The following NDST3 variants were observed in gnomAD, a reference collection of about 807,000 sequenced individuals.
NDST3 encodes the protein bifunctional heparan sulfate N-deacetylase/N-sulfotransferase 3.
Under a neutral mutation model 96.1 loss-of-function variants are expected in NDST3, and 58 were observed. That is an observed-to-expected ratio of 0.60 (90% CI 0.49 to 0.75). NDST3 has a LOEUF of 0.75. Ranked by LOEUF, NDST3 falls within the 30% of genes least tolerant of loss-of-function variation. The pLI, the probability that NDST3 is intolerant of heterozygous loss-of-function variation, is 0.00. For synonymous variants in NDST3, 333 were observed against 359.7 expected (o/e 0.93, Z 0.84); for missense variants, 788 against 1,034.2 (o/e 0.76, Z 3.27).
At chr4:118,122,917 G>A (rs192687296) in intron 4 of NDST3, among the ~76,000 whole-genome samples, 77 of 152,270 alleles carry the variant, frequency 5.1e-4, no homozygotes, top group Non-Finnish European at 2.4e-4. Flanking sequence ...TCCAGTGAAA[G>A]CTGGAGAAAG....
At chr4:118,120,416 T>C (rs917107971) in intron 4 of NDST3, among the ~76,000 whole-genome samples, 7 of 152,154 alleles carry the variant, frequency 4.6e-5, no homozygotes, top group Non-Finnish European at 8.8e-5. Flanking sequence ...AGGCTCAGGA[T>C]TGGCGACTTT....
intron 4 of NDST3, among the ~76,000 whole-genome samples, chr4:118,126,537 C>CATATATATATATACACATAT (rs1266387343): frequency 3.9e-4 from 8 of 20,332 alleles, no homozygotes; most frequent in African/African-American, 6.0e-4. Context: ...TATATATACA[C>CATATATATATATACACATAT]ATATATATAT....
intron 2 of NDST3, among the ~76,000 whole-genome samples, chr4:118,081,067 G>A (rs1021179659): frequency 9.2e-5 from 14 of 152,140 alleles, no homozygotes; most frequent in African/African-American, 3.1e-4. Context: ...ATTTACTTAC[G>A]CATGTGAACC....
At chr4:118,135,598 C>T (rs1733010450) in intron 4 of NDST3, among the ~76,000 whole-genome samples, 1 of 152,160 alleles carries the variant, frequency 6.6e-6, no homozygotes. Context: ...AGGCTTAGAG[C>T]TCATAGGTCA....
chr4:118,242,432 T>C (rs959126311), intron 12 of NDST3, among the ~76,000 whole-genome samples: 1 of 152,212 alleles, frequency 6.6e-6, no homozygotes, highest in African/African-American at 2.4e-5. Context: ...AAAGAAGTTA[T>C]CTGAAATAAA....
chr4:118,119,224 T>C (rs1037057741), intron 4 of NDST3, among the ~76,000 whole-genome samples: 1 of 152,216 alleles, frequency 6.6e-6, no homozygotes, highest in African/African-American at 2.4e-5. Context: ...TTGTCAATTA[T>C]AAAACTTTTT....
At chr4:118,196,426 A>C (rs1737691603) in intron 6 of NDST3, among the ~76,000 whole-genome samples, 1 of 152,118 alleles carries the variant, frequency 6.6e-6, no homozygotes. Context: ...GATTGCTATT[A>C]GTTATTTTTT....
intron 2 of NDST3, among the ~76,000 whole-genome samples, chr4:118,088,854 C>G (rs1334322954): frequency 6.6e-6 from 1 of 151,944 alleles, no homozygotes; most frequent in Non-Finnish European, 1.5e-5. Context: ...GCTTCCATGT[C>G]TAGACCGTTG....
At chr4:118,078,616 G>A (rs1424417945) in intron 2 of NDST3, among the ~76,000 whole-genome samples, 3 of 152,018 alleles carry the variant, frequency 2.0e-5, no homozygotes, top group Non-Finnish European at 1.5e-5. Context: ...GGGCGTGGTG[G>A]CGGATGCCTG....
In NDST3 at chr4:118,256,821, G is replaced by C. The variant is rs924096148; in HGVS notation, c.*1109G>C. ...CAAAATAAAATTATGTAATGTAGTA[G>C]AGATTTATAACAAAAAACAAATTAA... is the stretch of plus-strand genomic sequence containing the variant. On this transcript the variant is annotated 3_prime_UTR_variant, in exon 14 of 14. Transcript: ENST00000296499. 6.6e-6 allele frequency: 1 copy of C among 152,126 alleles called. No individual in the cohort carries two copies. Among genetic ancestry groups the C allele is most frequent in the Non-Finnish European group, 1.5e-5 (1 of 68,006 alleles). 9.4% of individuals were successfully genotyped at this position (152,126 alleles called of 1,614,324 possible). A position where few individuals can be genotyped will look rare whatever the true frequency, so the allele number is the denominator to read the frequency against.
intron 6 of NDST3, among the ~76,000 whole-genome samples, chr4:118,178,769 A>G (rs1051570958): frequency 6.6e-6 from 1 of 152,082 alleles, no homozygotes; most frequent in African/African-American, 2.4e-5. Context: ...ACTGTTTTCC[A>G]TAGCAGCTAT....
chr4:118,227,006 T>C, intron 8 of NDST3, 24 bp downstream of exon 8: 2 of 1,497,138 alleles, frequency 1.3e-6, no homozygotes, highest in East Asian at 4.5e-5. Context: ...ATGTTATGAT[T>C]AACGAGTGTA....
At chr4:118,042,140 C>A (rs918075188) in intron 1 of NDST3, among the ~76,000 whole-genome samples, 6 of 152,188 alleles carry the variant, frequency 3.9e-5, no homozygotes, top group African/African-American at 1.2e-4. Flanking sequence ...TCATGTATAA[C>A]TTAGTCCATC....
chr4:118,102,248 C>T (rs949252591), intron 2 of NDST3, among the ~76,000 whole-genome samples: 1 of 151,808 alleles, frequency 6.6e-6, no homozygotes, highest in Non-Finnish European at 1.5e-5. Flanking sequence ...AACAAAAGTC[C>T]CATTTTTCAA....
rs138263753 is a variant in NDST3 at position 118,105,093 on chromosome 4, T to C, written c.1057T>C (p.Phe353Leu). Residue 353 changes from phenylalanine (F) to leucine (L), a missense_variant, in exon 3 of 14, where the codon TTT (phenylalanine) becomes CTT (leucine). Transcript: ENST00000296499. ...ATTCAACCTGGGATTTTCAGGGAAA[T>C]TTTACCATACAGGTAAGAAAAAGGG... ...FTFNLGFSGK[F>L]YHTGTEEEDE... 54 of 1,612,350 alleles carry C rather than the reference T, an allele frequency of 3.3e-5. No homozygotes were observed. In the African/African-American group the frequency reaches 6.8e-4, roughly 20 times the overall value.
chr4:118,225,173 T>TG (rs1739796828), intron 7 of NDST3, among the ~76,000 whole-genome samples: 1 of 152,072 alleles, frequency 6.6e-6, no homozygotes, highest in Non-Finnish European at 1.5e-5. Context: ...GGGATTAATA[T>TG]GGGGGAAAGC....
chr4:118,244,574 G>A (rs1054430193), intron 12 of NDST3, among the ~76,000 whole-genome samples: 4 of 152,022 alleles, frequency 2.6e-5, no homozygotes, highest in African/African-American at 9.7e-5. Flanking sequence ...CATAAATCTA[G>A]TGCTTTGCAT....
chr4:118,065,033 C>T (rs528599608), intron 2 of NDST3, among the ~76,000 whole-genome samples: 11 of 152,100 alleles, frequency 7.2e-5, no homozygotes, highest in Admixed American at 1.3e-4. Context: ...CCTGGATAAT[C>T]CAGAATAATC....
At chr4:118,110,501 T>C (rs1030818948) in intron 3 of NDST3, among the ~76,000 whole-genome samples, 1 of 152,108 alleles carries the variant, frequency 6.6e-6, no homozygotes, top group Non-Finnish European at 1.5e-5. Context: ...GTTTTGAGAA[T>C]TAAGTGAAAT....
Sources: allele counts gnomAD v4.1 joint callset (sites outside exome capture counted in the v4.1 genomes callset), GRCh38; gene constraint gnomAD v4.1.1; transcripts MANE v1.5; gene names NCBI Gene and HGNC (gene_info 2026-07-23, HGNC 2026-07-21).